DCC: variants seen among roughly 807,000 people sequenced by gnomAD.
The protein encoded by DCC is netrin receptor DCC.
A neutral mutation model predicts 172.5 loss-of-function variants in DCC; 58 were observed. That is an observed-to-expected ratio of 0.34 (90% CI 0.27 to 0.42). The LOEUF (loss-of-function observed/expected upper bound fraction) is 0.42, where lower values mean the gene tolerates loss of function less well. Among genes scored for constraint, DCC ranks in the 10% least tolerant of loss-of-function variants. The pLI is 1.00. For missense variants in DCC, 1,740 were observed against 1,791.0 expected, an observed-to-expected ratio of 0.97 and a Z score of 0.51; for synonymous variants, 709 against 644.5, an observed-to-expected ratio of 1.10 and a Z score of -1.52.
At chr18:52,473,454 C>A (rs763926227) in intron 1 of DCC, among the ~76,000 whole-genome samples, 2 of 152,226 alleles carry the variant, frequency 1.3e-5, no homozygotes, top group African/African-American at 2.4e-5. Flanking sequence ...AAAAACATAC[C>A]AGAGACTGGG....
rs188630250 is a variant in DCC, at chr18:52,511,320, G to T, written c.91+170442G>T. On this transcript the variant is annotated intron_variant, in intron 1 of 28. Transcript: ENST00000442544. ...AAAAGAAAGAAAGAAAAATCTAGGA[G>T]ACCTTAGAGCCTGGTTTGATAAGGG... Among the ~76,000 whole-genome samples the T allele has an allele frequency of 1.3e-4, 19 of 151,152 alleles. 1 individual carries two copies. Among genetic ancestry groups the T allele is most frequent in the Admixed American group, 2.6e-4 (4 of 15,150 alleles).
intron 1 of DCC, among the ~76,000 whole-genome samples, chr18:52,565,587 A>C (rs188576021): frequency 6.6e-6 from 1 of 152,292 alleles, no homozygotes; most frequent in Non-Finnish European, 1.5e-5. Flanking sequence ...TTCTCTAATG[A>C]CGAGTGATAA....
intron 1 of DCC, among the ~76,000 whole-genome samples, chr18:52,748,741 G>A (rs375488546): frequency 6.6e-6 from 1 of 152,218 alleles, no homozygotes; most frequent in African/African-American, 2.4e-5. Flanking sequence ...AGTGAGCAAG[G>A]TGGAGAAAAG....
intron 5 of DCC, among the ~76,000 whole-genome samples, chr18:53,014,576 G>C (rs1054446503): frequency 3.3e-4 from 50 of 151,726 alleles, no homozygotes; most frequent in Admixed American, 1.8e-3. Context: ...TGCTGAGAAT[G>C]ATGGGGGATA....
chr18:52,516,235 G>T (rs934779057), intron 1 of DCC, among the ~76,000 whole-genome samples: 1 of 152,114 alleles, frequency 6.6e-6, no homozygotes, highest in African/African-American at 2.4e-5. Context: ...GTACTCCTGG[G>T]CATTTATTTC....
At chr18:53,084,110 C>T (rs562833533) in intron 7 of DCC, among the ~76,000 whole-genome samples, 24 of 152,244 alleles carry the variant, frequency 1.6e-4, no homozygotes, top group African/African-American at 5.5e-4. Flanking sequence ...AGAAGTGCAA[C>T]GTTTAGGAGC....
chr18:53,291,389 A>G (rs1159315431), intron 12 of DCC, among the ~76,000 whole-genome samples: 1 of 152,124 alleles, frequency 6.6e-6, no homozygotes, highest in Non-Finnish European at 1.5e-5. Flanking sequence ...TGCCGTTTTT[A>G]TATGGCATGA....
intron 2 of DCC, among the ~76,000 whole-genome samples, chr18:52,809,826 A>G (rs1177525446): frequency 6.6e-6 from 1 of 152,194 alleles, no homozygotes; most frequent in East Asian, 1.9e-4. Flanking sequence ...TTATATCTCA[A>G]TCATTGTCCC....
chr18:52,958,361 T>C (rs548968933), intron 5 of DCC, among the ~76,000 whole-genome samples: 1 of 152,278 alleles, frequency 6.6e-6, no homozygotes, highest in African/African-American at 2.4e-5. Flanking sequence ...TTATTAATAA[T>C]ATTGATCTGT....
chr18:53,008,375 T>A (rs2041676514), intron 5 of DCC, among the ~76,000 whole-genome samples: 2 of 152,098 alleles, frequency 1.3e-5, no homozygotes, highest in African/African-American at 2.4e-5. Context: ...TGGAAGTGGT[T>A]GGAAACTGAA....
intron 5 of DCC, among the ~76,000 whole-genome samples, chr18:52,996,039 C>T (rs1180061559): frequency 1.3e-5 from 2 of 151,806 alleles, no homozygotes; most frequent in Non-Finnish European, 1.5e-5. Context: ...CATTCAGAAG[C>T]GTTTCCATAT....
intron 16 of DCC, among the ~76,000 whole-genome samples, chr18:53,391,160 A>G (rs1016521564): frequency 3.3e-5 from 4 of 119,712 alleles, no homozygotes; most frequent in Non-Finnish European, 8.5e-5. Flanking sequence ...AAGCTAAGCA[A>G]CAATGAAAAC....
chr18:53,440,106 C>T (rs1912181704), intron 22 of DCC, among the ~76,000 whole-genome samples: 1 of 152,112 alleles, frequency 6.6e-6, no homozygotes, highest in South Asian at 2.1e-4. Context: ...GATTATGGTC[C>T]ACATTCTTAA....
chr18:52,612,764 T>C (rs1399125153), intron 1 of DCC, among the ~76,000 whole-genome samples: 2 of 152,234 alleles, frequency 1.3e-5, no homozygotes, highest in Non-Finnish European at 2.9e-5. Flanking sequence ...CTTTAGAAAA[T>C]ATATCTCATA....
At chr18:53,102,086 C>A (rs374213917) in intron 7 of DCC, among the ~76,000 whole-genome samples, 2 of 152,050 alleles carry the variant, frequency 1.3e-5, no homozygotes, top group Admixed American at 6.6e-5. Flanking sequence ...TCAGTAGAGG[C>A]CATGCTCATT....
intron 13 of DCC, among the ~76,000 whole-genome samples, chr18:53,310,777 A>G (rs1346870989): frequency 1.3e-5 from 2 of 152,170 alleles, no homozygotes. Flanking sequence ...ACATTGGGAA[A>G]TTGTGTTGTT....
chr18:52,574,604 T>G (rs1467613939), intron 1 of DCC, among the ~76,000 whole-genome samples: 1 of 152,202 alleles, frequency 6.6e-6, no homozygotes, highest in Non-Finnish European at 1.5e-5. Context: ...TTCACTTGAA[T>G]AAATTCTACT....
intron 1 of DCC, among the ~76,000 whole-genome samples, chr18:52,393,558 C>T (rs1297486360): frequency 6.6e-6 from 1 of 152,048 alleles, no homozygotes. Flanking sequence ...CACCTAACCA[C>T]CTGCATCAGT....
chr18:52,730,947 G>T (rs188838585), intron 1 of DCC, among the ~76,000 whole-genome samples: 2 of 152,098 alleles, frequency 1.3e-5, no homozygotes, highest in Non-Finnish European at 2.9e-5. Flanking sequence ...CAAACAAACC[G>T]CTAGACTGAC....
Sources: allele counts gnomAD v4.1 joint callset (sites outside exome capture counted in the v4.1 genomes callset), GRCh38; gene constraint gnomAD v4.1.1; transcripts MANE v1.5; gene names NCBI Gene and HGNC (gene_info 2026-07-23, HGNC 2026-07-21).